Variants in ABCC2 observed in about 807,000 individuals in gnomAD.
ABCC2 encodes ATP-binding cassette sub-family C member 2.
Under a neutral mutation model 173.4 loss-of-function variants are expected in ABCC2, and 157 were observed. That is an observed-to-expected ratio of 0.91 (90% CI 0.80 to 1.03). The LOEUF (loss-of-function observed/expected upper bound fraction) is 1.03, where lower values mean the gene tolerates loss of function less well. ABCC2 is among the 50% of genes least tolerant of loss of function. ABCC2 has a pLI of 0.00. For synonymous variants in ABCC2, 657 were observed against 693.5 expected, an observed-to-expected ratio of 0.95 and a Z score of 0.83; for missense variants, 1,822 against 1,852.3, an observed-to-expected ratio of 0.98 and a Z score of 0.30.
intron 7 of ABCC2, chr10:99,798,108 G>A (rs1483362610): frequency 2.0e-5 from 3 of 152,420 alleles, no homozygotes; most frequent in Non-Finnish European, 4.4e-5. Context: ...TTTGTCTGAA[G>A]TCTGATTGCC....
chr10:99,782,734 A>T lies in ABCC2; in HGVS notation c.-111A>T. 3 of 1,265,274 alleles carry T rather than the reference A, an allele frequency of 2.4e-6. No homozygotes were observed. Among genetic ancestry groups the T allele is most frequent in the Non-Finnish European group, 2.3e-6 (2 of 869,810 alleles). 78.4% of individuals were successfully genotyped at this position (1,265,274 alleles called of 1,614,324 possible). On this transcript the variant is annotated 5_prime_UTR_variant, in exon 1 of 32. Transcript: ENST00000647814. ...TGAAAGGTCATCCTTTACGGAGAAC[A>T]TCAGAATGGTAGATAATTCCTGTTC...
At chr10:99,820,495 A>C (rs2133084767) in intron 19 of ABCC2, among the ~76,000 whole-genome samples, 1 of 152,306 alleles carries the variant, frequency 6.6e-6, no homozygotes, top group African/African-American at 2.4e-5. Flanking sequence ...GTGGTGGTTC[A>C]CACCTGTAAT....
intron 6 of ABCC2, among the ~76,000 whole-genome samples, chr10:99,794,800 C>G (rs1187096075): frequency 6.6e-6 from 1 of 152,150 alleles, no homozygotes; most frequent in East Asian, 1.9e-4. Context: ...CTTGGCCTCT[C>G]TACGTGCTGG....
At position 99,807,643 on chromosome 10, in the gene ABCC2, A is replaced by C. The variant is rs183290570; in HGVS notation, c.1668+122A>C. The C allele has an allele frequency of 1.1e-4, 152 of 1,418,458 alleles. 1 individual carries two copies. The African/African-American group carries it at 1.6e-3, about 15-fold the overall frequency. The allele number at this position is 1,418,458 out of a possible 1,614,324, so 87.9% of individuals were successfully genotyped here. ...TAGGCCTGACCGCAAGATCCAGGGGACTTGTCCCTCTCACCGCCCCATGCC... is the reference window on the plus strand; with the variant it reads ...TAGGCCTGACCGCAAGATCCAGGGGCCTTGTCCCTCTCACCGCCCCATGCC... On this transcript the variant is annotated intron_variant, in intron 12 of 31. Transcript: ENST00000647814.
intron 30 of ABCC2, 38 bp from the exon 31 acceptor site, chr10:99,850,563 CT>C: frequency 6.2e-7 from 1 of 1,607,964 alleles, no homozygotes; most frequent in Non-Finnish European, 8.5e-7. Context: ...TTTCCTTGGT[CT>C]TTAGGAGCTA....
chr10:99,818,410 C>T (rs1351059651), intron 17 of ABCC2, among the ~76,000 whole-genome samples: 1 of 152,134 alleles, frequency 6.6e-6, no homozygotes, highest in Admixed American at 6.5e-5. Flanking sequence ...AATGAAGATA[C>T]AGCTCTGGAG....
rs1590196554 is a variant in ABCC2, at chr10:99,851,793, T to C, written c.*162T>C. On this transcript the variant is annotated 3_prime_UTR_variant, in exon 32 of 32. Transcript: ENST00000647814. The stretch of plus-strand genomic sequence containing the variant: ...CTACTACCCAGGTTAAGAAAATAAA[T>C]GTCACCAGGTACTTGAGAAACCCCT... 1.5e-6 allele frequency: 1 copy of C among 677,384 alleles called. No homozygotes were observed. Among genetic ancestry groups the C allele is most frequent in the East Asian group, 3.0e-5 (1 of 33,272 alleles). 42.0% of individuals were successfully genotyped at this position (677,384 alleles called of 1,614,324 possible).
rs201874841 is a variant in ABCC2, at chr10:99,830,400, G to A, written c.2714G>A (p.Arg905Lys). 681 of 1,614,208 alleles carry A rather than the reference G, an allele frequency of 4.2e-4. 2 individuals carry two copies. The highest frequency in any genetic ancestry group is 5.4e-4 in the Non-Finnish European group (639 of 1,180,030). The change falls in exon 20 of 32, where the codon AGA becomes AAA. Residue 905 changes from arginine (R) to lysine (K), a missense_variant. Arg to Lys is a conservative substitution (Grantham distance 26). Coordinates refer to ENST00000647814, the MANE Select transcript of ABCC2 (RefSeq NM_000392.5). Reference sequence around the variant, plus strand: ...GATGCAGCCTCCATAACCATGAGAAGAGAGAACAGCTTTCGTCGAACACTT... The same window carrying A: ...GATGCAGCCTCCATAACCATGAGAAAAGAGAACAGCTTTCGTCGAACACTT... ...PEDAASITMR[R>K]ENSFRRTLSR...
chr10:99,832,130 G>A lies in ABCC2; in HGVS notation c.3257G>A (p.Gly1086Asp), dbSNP rs2038752074. 6.2e-7 allele frequency: 1 copy of A among 1,614,038 alleles called. No individual in the cohort carries two copies. The highest frequency in any genetic ancestry group is 1.3e-5 in the African/African-American group (1 of 74,904). ...PTGRIVNRFA[G>D]DISTVDDTLP... is the part of the protein sequence containing the mutation. ...GGCCGGATTGTGAACAGGTTTGCCGGCGTAAGTATCTCAAGAACTGTCAGG... is the reference window on the plus strand; with the variant it reads ...GGCCGGATTGTGAACAGGTTTGCCGACGTAAGTATCTCAAGAACTGTCAGG... Residue 1086 changes from glycine to aspartate, a missense_variant and splice_region_variant, in exon 23 of 32, where the codon GGC (glycine) becomes GAC (aspartate). By Grantham distance (94) the Gly-to-Asp change is moderately conservative. Coordinates refer to ENST00000647814, the MANE Select transcript of ABCC2 (RefSeq NM_000392.5).
intron 19 of ABCC2, among the ~76,000 whole-genome samples, chr10:99,822,790 A>C (rs1393785311): frequency 6.6e-6 from 1 of 152,138 alleles, no homozygotes; most frequent in Non-Finnish European, 1.5e-5. Context: ...TAACTAATTG[A>C]GTTTTGAGTG....
intron 2 of ABCC2, among the ~76,000 whole-genome samples, chr10:99,786,282 AAAAAT>A (rs1300694303): frequency 1.3e-5 from 2 of 152,214 alleles, no homozygotes; most frequent in Admixed American, 1.3e-4. Context: ...CATCTCTTAA[AAAAAT>A]AAAATAAAAT....
chr10:99,805,667 T>C (rs1283210252), intron 11 of ABCC2, among the ~76,000 whole-genome samples: 2 of 152,148 alleles, frequency 1.3e-5, no homozygotes, highest in Admixed American at 6.6e-5. Flanking sequence ...CACTTTACTG[T>C]AGAAGTGTTT....
rs372261270 is a variant in ABCC2, at chr10:99,784,558, T to C, written c.34-50T>C. 17 of 1,604,860 alleles carry C rather than the reference T, an allele frequency of 1.1e-5. No homozygotes were observed. In the African/African-American group the frequency reaches 1.9e-4, roughly 18 times the overall value. On this transcript the variant is annotated intron_variant, in intron 1 of 31. Coordinates refer to ENST00000647814, the MANE Select transcript of ABCC2 (RefSeq NM_000392.5). ...AGTGGGATGTGCTGCAGGGTGGTTT[T>C]CTGTCTTCACAATGCATGTATGCAA...
At chr10:99,835,093 G>A (rs1228230362) in intron 24 of ABCC2, among the ~76,000 whole-genome samples, 2 of 152,234 alleles carry the variant, frequency 1.3e-5, no homozygotes, top group Non-Finnish European at 1.5e-5. Context: ...AGGGAAACTG[G>A]AACGAGTGGA....
At position 99,845,749 on chromosome 10, in the gene ABCC2, C is replaced by T; in HGVS notation, c.4113C>T (p.His1371=). 6.2e-7 allele frequency: 1 copy of T among 1,613,352 alleles called. No individual in the cohort carries two copies. Among genetic ancestry groups the T allele is most frequent in the East Asian group, 2.2e-5 (1 of 44,866 alleles). Residue 1371 remains histidine (H), a synonymous_variant, in exon 29 of 32, where the codon CAC becomes CAT. Transcript: ENST00000647814. ...DGVDIASIGL[H]DLREKLTIIP... ...TAGATATTGCTTCCATTGGGCTCCA[C>T]GACCTCCGAGAGAAGCTGACCATCA...
rs2038413010 is a variant in ABCC2 at position 99,816,398 on chromosome 10, C to T, written c.2095-910C>T. Among the ~76,000 whole-genome samples, 5 of 152,292 alleles carry T rather than the reference C, an allele frequency of 3.3e-5. No individual in the cohort carries two copies. In the South Asian group the frequency reaches 8.3e-4, roughly 25 times the overall value. ...TCCTGGGTTCAAGCGATTCTCCTGC[C>T]TCAGCCTCCCGAGTAGCTGGGATTA... is the stretch of plus-strand genomic sequence containing the variant. On this transcript the variant is annotated intron_variant, in intron 16 of 31. Transcript: ENST00000647814.
chr10:99,821,834 A>G (rs548633576), intron 19 of ABCC2, among the ~76,000 whole-genome samples: 1 of 150,246 alleles, frequency 6.7e-6, no homozygotes, highest in Admixed American at 6.7e-5. Flanking sequence ...CGCCATCGTC[A>G]TCATGGCCCG....
intron 23 of ABCC2, among the ~76,000 whole-genome samples, chr10:99,833,351 CAG>C (rs2038769931): frequency 6.6e-6 from 1 of 152,156 alleles, no homozygotes; most frequent in Non-Finnish European, 1.5e-5. Flanking sequence ...AAAGAGAACA[CAG>C]AGGTTTTCTG....
At chr10:99,827,646 A>G (rs2038667550) in intron 19 of ABCC2, among the ~76,000 whole-genome samples, 1 of 151,922 alleles carries the variant, frequency 6.6e-6, no homozygotes, top group South Asian at 2.1e-4. Context: ...CCAGTCTTTT[A>G]GATCTAAAGT....
Sources: allele counts gnomAD v4.1 joint callset (sites outside exome capture counted in the v4.1 genomes callset), GRCh38; gene constraint gnomAD v4.1.1; transcripts MANE v1.5; gene names NCBI Gene and HGNC (gene_info 2026-07-23, HGNC 2026-07-21).